Variants in SLC13A4 observed in about 807,000 individuals in gnomAD.
The protein encoded by SLC13A4 is Na(+)/sulfate cotransporter SUT-1.
A neutral mutation model predicts 72.7 loss-of-function variants in SLC13A4; 28 were observed. The ratio of observed to expected loss-of-function variants is 0.39; its 90% CI spans 0.29 to 0.53. SLC13A4 has a LOEUF of 0.53. Among genes scored for constraint, SLC13A4 ranks in the 20% least tolerant of loss-of-function variants. SLC13A4 has a pLI of 0.78. For synonymous variants in SLC13A4, 312 were observed against 325.5 expected (o/e 0.96, Z 0.45); for missense variants, 653 against 788.0 (o/e 0.83, Z 2.05).
rs1795807891 is a variant in SLC13A4 at position 135,692,389 on chromosome 7, A to G, written c.1157T>C (p.Leu386Pro). Residue 386 changes from leucine to proline, a missense_variant, in exon 11 of 16, where the codon CTG (leucine) becomes CCG (proline). By Grantham distance (98) the Leu-to-Pro change is moderately conservative. Transcript: ENST00000682651. Reference sequence around the variant, plus strand: ...CCGGGTAAACCACAGTACGGTCATCAGGATGAAGAAAAATCCAGTCACCAT... The same window carrying G: ...CCGGGTAAACCACAGTACGGTCATCGGGATGAAGAAAAATCCAGTCACCAT... ...PEMVTGFFFI[L>P]MTVLWFTREP... 6.2e-7 allele frequency: 1 copy of G among 1,613,526 alleles called. No individual in the cohort carries two copies. Among genetic ancestry groups the G allele is most frequent in the Non-Finnish European group, 8.5e-7 (1 of 1,179,890 alleles).
At chr7:135,710,127 A>C (rs1796265726) in intron 2 of SLC13A4, among the ~76,000 whole-genome samples, 1 of 152,240 alleles carries the variant, frequency 6.6e-6, no homozygotes. Flanking sequence ...AAAGTGAGAA[A>C]ACAAGAACAT....
intron 13 of SLC13A4, 96 bp from the exon 14 acceptor site, chr7:135,685,779 G>A (rs1795608998): frequency 9.4e-7 from 1 of 1,058,710 alleles, no homozygotes; most frequent in South Asian, 1.5e-5. Flanking sequence ...TGGAAGGCTG[G>A]ACGACCAGGG....
chr7:135,716,957 G>T (rs913920099), intron 2 of SLC13A4, among the ~76,000 whole-genome samples: 11 of 152,034 alleles, frequency 7.2e-5, no homozygotes, highest in South Asian at 4.1e-4. Context: ...GGTCTTTTTC[G>T]CATGAACTGC....
intron 6 of SLC13A4, chr7:135,702,399 G>T: frequency 6.4e-6 from 1 of 156,618 alleles, no homozygotes; most frequent in Non-Finnish European, 1.4e-5. Context: ...TTTTGAGATG[G>T]GGGTCTCGCT....
At chr7:135,712,767 A>C (rs1312469901) in intron 2 of SLC13A4, among the ~76,000 whole-genome samples, 1 of 152,194 alleles carries the variant, frequency 6.6e-6, no homozygotes, top group Non-Finnish European at 1.5e-5. Flanking sequence ...TTTTTCTTTC[A>C]CAATAACACC....
chr7:135,697,470 A>G (rs1391990867), intron 8 of SLC13A4, among the ~76,000 whole-genome samples: 6 of 151,804 alleles, frequency 4.0e-5, no homozygotes, highest in African/African-American at 1.5e-4. Flanking sequence ...CTTAAACCTG[A>G]CTGTTCCTCC....
At chr7:135,682,552 C>T (rs925131930) in intron 15 of SLC13A4, among the ~76,000 whole-genome samples, 1 of 152,224 alleles carries the variant, frequency 6.6e-6, no homozygotes, top group Non-Finnish European at 1.5e-5. Context: ...TCTCTCCTGC[C>T]GTCTGGTCGG....
Position 135,692,367 on chromosome 7 carries a change from G to C in SLC13A4, c.1179C>G (p.Thr393=). The C allele has an allele frequency of 1.2e-6, 2 of 1,613,940 alleles. No homozygotes were observed. Among genetic ancestry groups the C allele is most frequent in the Non-Finnish European group, 1.7e-6 (2 of 1,179,944 alleles). ...FFILMTVLWF[T]REPGFVPGWD... ...AGCCAGGGACAAAGCCAGGCTCCCGGGTAAACCACAGTACGGTCATCAGGA... is the reference window on the plus strand; with the variant it reads ...AGCCAGGGACAAAGCCAGGCTCCCGCGTAAACCACAGTACGGTCATCAGGA... The change falls in exon 11 of 16, where the codon ACC becomes ACG. Residue 393 remains threonine, a synonymous_variant. Transcript: ENST00000682651.
At chr7:135,715,508 T>G (rs1796414338) in intron 2 of SLC13A4, among the ~76,000 whole-genome samples, 1 of 146,784 alleles carries the variant, frequency 6.8e-6, no homozygotes, top group Non-Finnish European at 1.5e-5. Flanking sequence ...TGTAGGAGTG[T>G]GTATGTGAGT....
intron 8 of SLC13A4, among the ~76,000 whole-genome samples, chr7:135,697,910 T>G (rs1218796034): frequency 2.0e-5 from 3 of 152,184 alleles, no homozygotes; most frequent in Non-Finnish European, 4.4e-5. Flanking sequence ...CAGGGAGGCA[T>G]TTCCTCCCTG....
intron 2 of SLC13A4, 140 bp from the exon 3 acceptor site, chr7:135,708,390 T>TTATTGAAATAGCCGCCCATCC: frequency 8.6e-7 from 1 of 1,164,906 alleles, no homozygotes; most frequent in Admixed American, 2.3e-5. Context: ...GGGGTGAGGA[T>TTATTGAAATAGCCGCCCATCC]TATTGAAATA....
rs768708004 is a variant in SLC13A4 at position 135,684,109 on chromosome 7, G to C, written c.1746+15C>G. On this transcript the variant is annotated intron_variant, in intron 15 of 15. Coordinates refer to ENST00000682651, the MANE Select transcript of SLC13A4 (RefSeq NM_001318192.2). ...TGGCAGCTGGGCCTGGCAGGGAGAG[G>C]GCACCCCAACTCACCATATCTTTGA... is the stretch of plus-strand genomic sequence containing the variant. 1.3e-6 allele frequency: 2 copies of C among 1,585,258 alleles called. No individual in the cohort carries two copies. The highest frequency in any genetic ancestry group is 1.7e-6 in the Non-Finnish European group (2 of 1,161,114).
intron 2 of SLC13A4, among the ~76,000 whole-genome samples, chr7:135,713,006 T>C (rs906724370): frequency 6.6e-6 from 1 of 152,226 alleles, no homozygotes; most frequent in African/African-American, 2.4e-5. Flanking sequence ...GGTCCTTCTC[T>C]GGTCCCTGGG....
rs1795505073 is a variant in SLC13A4 at position 135,681,654 on chromosome 7, A to G, written c.1793T>C (p.Met598Thr). 6.2e-7 allele frequency: 1 copy of G among 1,614,122 alleles called. No individual in the cohort carries two copies. The highest frequency in any genetic ancestry group is 2.2e-5 in the East Asian group (1 of 44,872). The change falls in exon 16 of 16, where the codon ATG becomes ACG. Residue 598 changes from methionine (M) to threonine (T), a missense_variant. By Grantham distance (81) the Met-to-Thr change is moderately conservative (BLOSUM62 -1). Coordinates refer to ENST00000682651, the MANE Select transcript of SLC13A4 (RefSeq NM_001318192.2). ...AACTCCCCAGGTGTTGATGGCCACC[A>G]TTACTATCACCAGTCCAATAACGTT... is the stretch of plus-strand genomic sequence containing the variant. ...GVNVIGLVIV[M>T]VAINTWGVSL...
chr7:135,706,526 C>T (rs146028449), intron 3 of SLC13A4, among the ~76,000 whole-genome samples: 11 of 152,322 alleles, frequency 7.2e-5, no homozygotes, highest in African/African-American at 9.6e-5. Flanking sequence ...CATGGACTAG[C>T]GGCCTTAGCC....
intron 2 of SLC13A4, among the ~76,000 whole-genome samples, chr7:135,712,419 C>T (rs1440704401): frequency 2.0e-5 from 3 of 147,752 alleles, no homozygotes; most frequent in Admixed American, 6.8e-5. Flanking sequence ...CTGTGTGACC[C>T]TAGACAAGGT....
At position 135,715,214 on chromosome 7, in the gene SLC13A4, A is replaced by AGT. The variant is rs563943465; in HGVS notation, c.228+6179_228+6180dup. Among the ~76,000 whole-genome samples the AGT allele has an allele frequency of 4.8e-5, 7 of 146,454 alleles. No individual in the cohort carries two copies. The East Asian group carries it at 1.4e-3, about 30-fold the overall frequency. On this transcript the variant is annotated intron_variant, in intron 2 of 15. Coordinates refer to ENST00000682651, the MANE Select transcript of SLC13A4 (RefSeq NM_001318192.2). Reference sequence around the variant, plus strand: ...GTGTGTATGAGTGTATGTGTGCATGAGTGTGTATATGTGAGTGTATGTGTG... The same window carrying AGT: ...GTGTGTATGAGTGTATGTGTGCATGAGTGTGTGTATATGTGAGTGTATGTGTG...
At chr7:135,685,476 C>T (rs1795600553) in intron 14 of SLC13A4, 46 bp downstream of exon 14, 2 of 1,589,172 alleles carry the variant, frequency 1.3e-6, no homozygotes, top group Non-Finnish European at 1.7e-6. Flanking sequence ...CACTCCAGGC[C>T]CCTGGGACAG....
In SLC13A4 at chr7:135,684,241, G is replaced by C. The variant is rs1213846231; in HGVS notation, c.1629C>G (p.Asn543Lys). The change falls in exon 15 of 16, where the codon AAC becomes AAG. Residue 543 changes from asparagine (N) to lysine (K), a missense_variant. Transcript: ENST00000682651. ...LCSLSETLHI[N>K]PLYTLIPVTM... ...TGACTGGGATCAGGGTGTAGAGGGG[G>C]TTAATGTGCAGCGTTTCAGACTAGA... The C allele has an allele frequency of 6.2e-7, 1 of 1,609,434 alleles. No individual in the cohort carries two copies. The highest frequency in any genetic ancestry group is 8.5e-7 in the Non-Finnish European group (1 of 1,177,274).
Sources: allele counts gnomAD v4.1 joint callset (sites outside exome capture counted in the v4.1 genomes callset), GRCh38; gene constraint gnomAD v4.1.1; transcripts MANE v1.5; gene names NCBI Gene and HGNC (gene_info 2026-07-23, HGNC 2026-07-21).